FMNL3: variants seen among roughly 807,000 people sequenced by gnomAD.
The protein encoded by FMNL3 is formin like 3, also known as formin-like protein 3.
FMNL3 carries 57 observed loss-of-function variants against 119.6 expected under a neutral mutation model. The observed-to-expected ratio is 0.48, with a 90% CI of 0.39 to 0.59. The LOEUF (loss-of-function observed/expected upper bound fraction) is 0.59. Ranked by LOEUF, FMNL3 falls within the 20% of genes least tolerant of loss-of-function variation. The probability of loss-of-function intolerance (pLI) is 0.00; values close to 1 mark genes in which losing one functional copy is unlikely to be tolerated. For missense variants in FMNL3, 1,053 were observed against 1,323.5 expected, an observed-to-expected ratio of 0.80 and a Z score of 3.17; for synonymous variants, 491 against 507.3, an observed-to-expected ratio of 0.97 and a Z score of 0.43.
intron 1 of FMNL3, 61 bp downstream of exon 1, chr12:49,706,994 A>G: frequency 1.1e-5 from 17 of 1,534,856 alleles, no homozygotes; most frequent in Non-Finnish European, 1.5e-5. Flanking sequence ...ACAAAGTCCC[A>G]GCCCGGGCGT....
Position 49,648,098 on chromosome 12 carries a change from T to C in FMNL3, c.2676+95A>G, listed in dbSNP as rs192188986. 9.8e-4 allele frequency: 1,391 copies of C among 1,419,868 alleles called. 4 individuals carry two copies. Among genetic ancestry groups the C allele is most frequent in the Middle Eastern group, 1.1e-3 (4 of 3,794 alleles). The allele number at this position is 1,419,868 out of a possible 1,614,324, so 88.0% of individuals were successfully genotyped here. On this transcript the variant is annotated intron_variant, in intron 22 of 25. Transcript: ENST00000335154. The stretch of plus-strand genomic sequence containing the variant: ...CCCCTACATGTAGCCAGCCAGCTGC[T>C]TGATTTAAAAAAAAAAAAAAATAGA...
chr12:49,675,316 G>A (rs748335108), intron 1 of FMNL3, among the ~76,000 whole-genome samples: 5 of 152,154 alleles, frequency 3.3e-5, no homozygotes, highest in Admixed American at 1.3e-4. Context: ...GCCCCTCCTC[G>A]TGGTTAGCCA....
chr12:49,651,323 G>A, intron 15 of FMNL3, 31 bp from the exon 16 acceptor site: 1 of 1,606,536 alleles, frequency 6.2e-7, no homozygotes, highest in Non-Finnish European at 8.5e-7. Flanking sequence ...GTGACACAGG[G>A]GCCAAGGACA....
At position 49,651,013 on chromosome 12, in the gene FMNL3, C is replaced by A. The variant is rs142091892; in HGVS notation, c.1798-135G>T. The A allele has an allele frequency of 1.9e-5, 28 of 1,459,694 alleles. No homozygotes were observed. The East Asian group carries it at 5.7e-4, about 30-fold the overall frequency. 90.4% of individuals were successfully genotyped at this position (1,459,694 alleles called of 1,614,324 possible). On this transcript the variant is annotated intron_variant, in intron 16 of 25. Transcript: ENST00000335154. The stretch of plus-strand genomic sequence containing the variant: ...TGAATACAAACACAAAGTGTTGACA[C>A]AACTAGAAATATACGTACACTCAAG...
chr12:49,656,019 C>T (rs1039784329), intron 9 of FMNL3, among the ~76,000 whole-genome samples: 1 of 152,140 alleles, frequency 6.6e-6, no homozygotes, highest in African/African-American at 2.4e-5. Flanking sequence ...CCAATGGGTT[C>T]ACCGCATCAG....
chr12:49,647,581 C>A lies in FMNL3; in HGVS notation c.2778+122G>T, dbSNP rs1049917394. ...AGCTAAGAGGCCTGTCACCAGCTTG[C>A]ATCGCTCCCTTCCCAGGACTCGGAG... is the stretch of plus-strand genomic sequence containing the variant. On this transcript the variant is annotated intron_variant, in intron 23 of 25. Transcript: ENST00000335154. The surrounding 1 kb of genome is among the most constrained non-coding windows in gnomAD (Gnocchi z 4.9). The A allele has an allele frequency of 4.1e-6, 4 of 975,016 alleles. No homozygotes were observed. The African/African-American group carries it at 6.4e-5, about 16-fold the overall frequency. 60.4% of individuals were successfully genotyped at this position (975,016 alleles called of 1,614,324 possible).
intron 1 of FMNL3, among the ~76,000 whole-genome samples, chr12:49,679,914 G>A (rs1944293091): frequency 6.6e-6 from 1 of 152,230 alleles, no homozygotes; most frequent in Non-Finnish European, 1.5e-5. Context: ...GGGGGAACCT[G>A]AAGCTTATAA....
chr12:49,654,143 T>A, intron 11 of FMNL3, 49 bp downstream of exon 11: 1 of 1,547,796 alleles, frequency 6.5e-7, no homozygotes, highest in Non-Finnish European at 8.9e-7. Flanking sequence ...GTGATACGGC[T>A]AAACTGATCC....
At chr12:49,688,674 C>A in intron 1 of FMNL3, 1 of 370,396 alleles carries the variant, frequency 2.7e-6, no homozygotes. Context: ...TTACAACAGA[C>A]CAGGCAAGAG....
At chr12:49,654,807 T>C (rs1268430137) in intron 10 of FMNL3, 103 bp downstream of exon 10, 5 of 1,086,828 alleles carry the variant, frequency 4.6e-6, no homozygotes, top group Admixed American at 2.1e-5. Context: ...CATTCTGGGC[T>C]CTACGTGGAA....
At chr12:49,700,698 C>T (rs1366199593) in intron 1 of FMNL3, among the ~76,000 whole-genome samples, 3 of 94,784 alleles carry the variant, frequency 3.2e-5, no homozygotes, top group African/African-American at 8.8e-5. Flanking sequence ...CTGGGCGACA[C>T]AGCAAGACTC....
At chr12:49,671,255 T>C (rs1944038868) in intron 1 of FMNL3, among the ~76,000 whole-genome samples, 1 of 152,210 alleles carries the variant, frequency 6.6e-6, no homozygotes. Flanking sequence ...CCTAAGAGCA[T>C]GGAAGAGGCA....
intron 4 of FMNL3, among the ~76,000 whole-genome samples, chr12:49,662,776 C>T (rs1412373778): frequency 6.6e-6 from 1 of 152,142 alleles, no homozygotes; most frequent in African/African-American, 2.4e-5. Flanking sequence ...TATCCCAGGG[C>T]ATTATTTTCC....
rs1394534652 is a variant in FMNL3 at position 49,643,484 on chromosome 12, G to A, written c.*2331C>T. On this transcript the variant is annotated 3_prime_UTR_variant, in exon 26 of 26. Coordinates refer to ENST00000335154, the MANE Select transcript of FMNL3 (RefSeq NM_175736.5). ...TCCACAAGCCCCAGCTCCTTTGAGG[G>A]TAGACTGGATTGGGAGGGCTGCACC... The A allele has an allele frequency of 2.0e-6, 3 of 1,484,858 alleles. No individual in the cohort carries two copies. The highest frequency in any genetic ancestry group is 2.7e-6 in the Non-Finnish European group (3 of 1,106,118). The allele number at this position is 1,484,858 out of a possible 1,614,324, so 92.0% of individuals were successfully genotyped here. A position where few individuals can be genotyped will look rare whatever the true frequency, so the allele number is the denominator to read the frequency against.
chr12:49,654,346 A>C (rs369216127), intron 10 of FMNL3, 44 bp from the exon 11 acceptor site: 1 of 1,537,854 alleles, frequency 6.5e-7, no homozygotes, highest in Non-Finnish European at 9.0e-7. Flanking sequence ...GGAAGGGCAG[A>C]GGAAAGGCAA....
chr12:49,658,334 G>T, intron 6 of FMNL3, 108 bp downstream of exon 6: 2 of 1,432,514 alleles, frequency 1.4e-6, no homozygotes. Context: ...AGAGAGCTGA[G>T]CCTGGAAGCA....
intron 1 of FMNL3, among the ~76,000 whole-genome samples, chr12:49,703,506 C>A (rs890537559): frequency 6.6e-6 from 1 of 151,826 alleles, no homozygotes; most frequent in African/African-American, 2.4e-5. Flanking sequence ...GCTTCACAAC[C>A]TTTTTCCCAT....
At chr12:49,704,648 T>G (rs914959152) in intron 1 of FMNL3, among the ~76,000 whole-genome samples, 2 of 149,502 alleles carry the variant, frequency 1.3e-5, no homozygotes, top group Non-Finnish European at 3.0e-5. Flanking sequence ...GAGGCTGAGT[T>G]TGCAGTGAGC....
At position 49,658,604 on chromosome 12, in the gene FMNL3, GA is replaced by G; in HGVS notation, c.453-11del. On this transcript the variant is annotated splice_polypyrimidine_tract_variant and intron_variant, in intron 5 of 25. Coordinates refer to ENST00000335154, the MANE Select transcript of FMNL3 (RefSeq NM_175736.5). ...ACCCTCAAAGTCAAACCTGGAGCAT[GA>G]AAGGACACACATGCGCATACACAGG... is the stretch of plus-strand genomic sequence containing the variant. The G allele has an allele frequency of 6.3e-7, 1 of 1,599,890 alleles. No individual in the cohort carries two copies. Among genetic ancestry groups the G allele is most frequent in the Admixed American group, 1.7e-5 (1 of 58,328 alleles).
Sources: gnomAD v4.1 joint callset for allele counts (sites outside exome capture counted in the v4.1 genomes callset) on GRCh38, gnomAD v4.1.1 for gene constraint, Gnocchi (gnomAD v3.1) non-coding constraint, MANE v1.5 for transcripts, NCBI Gene and HGNC (gene_info 2026-07-23, HGNC 2026-07-21) for gene names.